SERINC2: variants seen among roughly 807,000 people sequenced by gnomAD.
The protein encoded by SERINC2 is serine incorporator 2.
In SERINC2, 56 loss-of-function variants were observed where a neutral mutation model predicts 54.2. The observed-to-expected ratio is 1.03, with a 90% CI of 0.83 to 1.29. The LOEUF (loss-of-function observed/expected upper bound fraction) is 1.29, where lower values mean the gene tolerates loss of function less well. Ranked by LOEUF, SERINC2 falls within the 50% of genes most tolerant of loss-of-function variation. SERINC2 has a pLI of 0.00. For synonymous variants in SERINC2, 272 were observed against 253.1 expected (o/e 1.07, Z -0.71); for missense variants, 614 against 607.4 (o/e 1.01, Z -0.12).
intron 9 of SERINC2, 49 bp downstream of exon 9, chr1:31,433,234 G>A: frequency 1.3e-6 from 2 of 1,487,462 alleles, no homozygotes; most frequent in Non-Finnish European, 1.9e-6. Flanking sequence ...CAGGGTGCAG[G>A]TCCACACATC....
At chr1:31,430,021 G>A (rs1440126218) in intron 8 of SERINC2, among the ~76,000 whole-genome samples, 2 of 152,008 alleles carry the variant, frequency 1.3e-5, no homozygotes, top group South Asian at 2.1e-4. Context: ...TTTCAAAGGG[G>A]CATCTTAGTA....
At chr1:31,433,309 T>C (rs1641377519) in intron 9 of SERINC2, 124 bp downstream of exon 9, 1 of 764,452 alleles carries the variant, frequency 1.3e-6, no homozygotes, top group Non-Finnish European at 2.2e-6. Flanking sequence ...GCGGTGTGTA[T>C]CAAGGACCCT....
At chr1:31,429,097 C>T in intron 7 of SERINC2, 29 bp downstream of exon 7, 1 of 1,577,750 alleles carries the variant, frequency 6.3e-7, no homozygotes, top group Non-Finnish European at 8.7e-7. Flanking sequence ...TCAAGGAGGC[C>T]TGGCCTCGTT....
intron 1 of SERINC2, among the ~76,000 whole-genome samples, chr1:31,417,000 A>T (rs559876044): frequency 6.6e-6 from 1 of 152,244 alleles, no homozygotes; most frequent in South Asian, 2.1e-4. Context: ...GATTACAGGC[A>T]TGAGCCACCA....
rs555491948 is a variant in SERINC2, at chr1:31,426,745, C to T, written c.702C>T (p.His234=). 276 of 1,614,116 alleles carry T rather than the reference C, an allele frequency of 1.7e-4. No individual in the cohort carries two copies. The highest frequency in any genetic ancestry group is 2.1e-4 in the Non-Finnish European group (246 of 1,180,000). ...ACTACACTGAGCCCAGCGGCTGCCA[C>T]GAGGGCAAGGTCTTCATCAGCCTCA... is the stretch of plus-strand genomic sequence containing the variant. ...FMYYTEPSGC[H]EGKVFISLNL... is the part of the protein sequence containing the mutation. The change falls in exon 6 of 10, where the codon CAC becomes CAT. Residue 234 remains histidine (H), a synonymous_variant. Coordinates refer to ENST00000373709, the MANE Select transcript of SERINC2 (RefSeq NM_178865.5).
At position 31,413,344 on chromosome 1, in the gene SERINC2, G is replaced by A. The variant is rs1640693908; in HGVS notation, c.39+40G>A. On this transcript the variant is annotated intron_variant, in intron 1 of 9. Coordinates refer to ENST00000373709, the MANE Select transcript of SERINC2 (RefSeq NM_178865.5). The surrounding 1 kb of genome is among the most constrained non-coding windows in gnomAD (Gnocchi z 5.0). ...CGGCGCCCGCCCGCGCGCGCCGCCC[G>A]TTCCTGCTGCGGGCCCTCACTTTCT... The A allele has an allele frequency of 8.9e-7, 1 of 1,121,978 alleles. No homozygotes were observed. Among genetic ancestry groups the A allele is most frequent in the Non-Finnish European group, 1.1e-6 (1 of 884,654 alleles). 69.5% of individuals were successfully genotyped at this position (1,121,978 alleles called of 1,614,324 possible). A position where few individuals can be genotyped will look rare whatever the true frequency, so the allele number is the denominator to read the frequency against.
chr1:31,426,341 C>T (rs1641041397), intron 5 of SERINC2, among the ~76,000 whole-genome samples: 1 of 152,198 alleles, frequency 6.6e-6, no homozygotes, highest in African/African-American at 2.4e-5. Context: ...CCTCCCTAGA[C>T]TTGCCAGTAT....
intron 8 of SERINC2, among the ~76,000 whole-genome samples, chr1:31,431,844 G>T: frequency 6.8e-6 from 1 of 147,298 alleles, no homozygotes; most frequent in Admixed American, 6.8e-5. Flanking sequence ...GGGTGGATAG[G>T]GTGGATAGGG....
chr1:31,429,863 G>A (rs1398301433), intron 8 of SERINC2, among the ~76,000 whole-genome samples: 1 of 152,098 alleles, frequency 6.6e-6, no homozygotes, highest in Non-Finnish European at 1.5e-5. Context: ...CCCCTGCTGT[G>A]CGGCTTGGGG....
chr1:31,425,366 C>A lies in SERINC2; in HGVS notation c.429C>A (p.Leu143=). The change falls in exon 4 of 10, where the codon CTC becomes CTA. Residue 143 remains leucine (L), a synonymous_variant. Transcript: ENST00000373709. ...TTAAGTTCCTGATCCTGGTGGGCCT[C>A]ACCGTGGGTGCCTTCTACATTCCTG... The part of the protein sequence containing the change: ...WFFKFLILVG[L]TVGAFYIPDG... 1 of 1,613,488 alleles carries A rather than the reference C, an allele frequency of 6.2e-7. No individual in the cohort carries two copies. Among genetic ancestry groups the A allele is most frequent in the East Asian group, 2.2e-5 (1 of 44,880 alleles).
At chr1:31,419,205 T>C (rs995319405) in intron 1 of SERINC2, among the ~76,000 whole-genome samples, 1 of 152,228 alleles carries the variant, frequency 6.6e-6, no homozygotes, top group African/African-American at 2.4e-5. Flanking sequence ...CATTATTCCA[T>C]GTGGCTCTGT....
intron 1 of SERINC2, among the ~76,000 whole-genome samples, chr1:31,418,106 G>A (rs782368603): frequency 2.6e-5 from 4 of 152,060 alleles, no homozygotes; most frequent in South Asian, 2.1e-4. Context: ...TGATCCGCCC[G>A]CCTTGGCCTC....
At chr1:31,422,210 G>A (rs1171914032) in intron 1 of SERINC2, among the ~76,000 whole-genome samples, 1 of 150,612 alleles carries the variant, frequency 6.6e-6, no homozygotes, top group African/African-American at 2.4e-5. Flanking sequence ...GAGGTGGGAG[G>A]ATGGCTTGAG....
rs1553135080 is a variant in SERINC2 at position 31,433,149 on chromosome 1, C to T, written c.1196C>T (p.Ser399Leu). Residue 399 changes from serine to leucine, a missense_variant, in exon 9 of 10, where the codon TCA becomes TTA. Physicochemically the swap from Ser to Leu is moderately radical, Grantham distance 145 (BLOSUM62 -2). Coordinates refer to ENST00000373709, the MANE Select transcript of SERINC2 (RefSeq NM_178865.5). ...TTCCACTTCTGCCTGGTGCTGGCCT[C>T]ACTGCACGTCATGATGACGCTCACC... is the stretch of plus-strand genomic sequence containing the variant. ...SFFHFCLVLA[S>L]LHVMMTLTNW... 4 of 1,613,796 alleles carry T rather than the reference C, an allele frequency of 2.5e-6. No homozygotes were observed. In the East Asian group the frequency reaches 6.7e-5, roughly 27 times the overall value.
intron 8 of SERINC2, 88 bp from the exon 9 acceptor site, chr1:31,432,878 TG>T: frequency 5.8e-6 from 6 of 1,026,308 alleles, no homozygotes; most frequent in Non-Finnish European, 5.7e-6. Flanking sequence ...ACCGGGTCGC[TG>T]GCCTCTGAGG....
intron 8 of SERINC2, among the ~76,000 whole-genome samples, chr1:31,432,518 G>C (rs1227970252): frequency 6.6e-6 from 1 of 152,058 alleles, no homozygotes; most frequent in Non-Finnish European, 1.5e-5. Context: ...TGGCAAATGA[G>C]CGTGATTAAT....
intron 2 of SERINC2, among the ~76,000 whole-genome samples, 165 bp downstream of exon 2, chr1:31,424,019 T>C (rs575498825): frequency 1.3e-5 from 2 of 152,264 alleles, no homozygotes; most frequent in African/African-American, 2.4e-5. Context: ...CTTGAGCCTC[T>C]TGGGGGGATT....
At chr1:31,425,687 C>G (rs1193149872) in intron 4 of SERINC2, 89 bp from the exon 5 acceptor site, 2 of 1,473,122 alleles carry the variant, frequency 1.4e-6, no homozygotes, top group Non-Finnish European at 1.9e-6. Flanking sequence ...TCTCAGTGTC[C>G]CCGGTGCAGG....
chr1:31,412,000 C>CAAA (rs11368197), upstream of SERINC2, among the ~76,000 whole-genome samples: 4 of 44,514 alleles, frequency 9.0e-5, no homozygotes, highest in East Asian at 7.0e-4. Context: ...GACCCTGTCT[C>CAAA]AAAAAAAAAA....
Sources: allele counts gnomAD v4.1 joint callset (sites outside exome capture counted in the v4.1 genomes callset), GRCh38; gene constraint gnomAD v4.1.1; non-coding constraint Gnocchi (gnomAD v3.1); transcripts MANE v1.5; gene names NCBI Gene and HGNC (gene_info 2026-07-23, HGNC 2026-07-21).